APBB2: variants seen among roughly 807,000 people sequenced by gnomAD.
APBB2 encodes the protein Fe65-like 1.
Under a neutral mutation model 82.5 loss-of-function variants are expected in APBB2, and 38 were observed. The observed-to-expected ratio is 0.46, with a 90% confidence interval of 0.36 to 0.60. The LOEUF (loss-of-function observed/expected upper bound fraction) is 0.60. Among genes scored for constraint, APBB2 ranks in the 20% least tolerant of loss-of-function variants. APBB2 has a pLI of 0.00. For missense variants in APBB2, 772 were observed against 972.3 expected, an observed-to-expected ratio of 0.79 and a Z score of 2.74; for synonymous variants, 341 against 368.2, an observed-to-expected ratio of 0.93 and a Z score of 0.85.
At chr4:41,156,083 CAG>C (rs1763373667) in intron 1 of APBB2, among the ~76,000 whole-genome samples, 1 of 150,252 alleles carries the variant, frequency 6.7e-6, no homozygotes, top group South Asian at 2.1e-4. Flanking sequence ...GAATTGTTCT[CAG>C]AGACTTAAAA....
Position 40,826,056 on chromosome 4 carries a change from T to A in APBB2, c.1733-86A>T. On this transcript the variant is annotated intron_variant, in intron 14 of 17. Transcript: ENST00000508593. The surrounding 1 kb of genome is among the most constrained non-coding windows in gnomAD (Gnocchi z 4.5). ...CCGTGGCTCTGCATCATCTGAATGC[T>A]CAGGACACGCCCTGTGCCATAACGC... 6.1e-6 allele frequency: 6 copies of A among 981,720 alleles called. No homozygotes were observed. Among genetic ancestry groups the A allele is most frequent in the Non-Finnish European group, 8.3e-6 (5 of 604,158 alleles). The allele number at this position is 981,720 out of a possible 1,614,324, so 60.8% of individuals were successfully genotyped here. A position where few individuals can be genotyped will look rare whatever the true frequency, so the allele number is the denominator to read the frequency against.
chr4:41,200,383 T>A (rs116513614), intron 1 of APBB2, among the ~76,000 whole-genome samples: 29,504 of 151,956 alleles, frequency 0.19, 3,798 homozygotes, highest in African/African-American at 0.36. Context: ...CTATTTTTTT[T>A]TTAAATAAAA....
At chr4:40,915,574 A>G (rs1779634411) in intron 10 of APBB2, among the ~76,000 whole-genome samples, 1 of 152,216 alleles carries the variant, frequency 6.6e-6, no homozygotes, top group South Asian at 2.1e-4. Flanking sequence ...TTTTCTAAGA[A>G]AGGTTTTACT....
chr4:40,854,837 A>AG (rs1356442488), intron 12 of APBB2, among the ~76,000 whole-genome samples: 8 of 151,228 alleles, frequency 5.3e-5, no homozygotes, highest in African/African-American at 7.3e-5. Flanking sequence ...TTCATTTCCT[A>AG]GGGGGGCTGT....
chr4:41,167,661 C>A (rs1226738607), intron 1 of APBB2, among the ~76,000 whole-genome samples: 1 of 152,132 alleles, frequency 6.6e-6, no homozygotes, highest in Non-Finnish European at 1.5e-5. Flanking sequence ...AGAGAGCCAC[C>A]AGCCCCCATC....
At chr4:41,000,172 G>C (rs1287720520) in intron 6 of APBB2, among the ~76,000 whole-genome samples, 1 of 151,346 alleles carries the variant, frequency 6.6e-6, no homozygotes, top group Non-Finnish European at 1.5e-5. Flanking sequence ...GAGGTAGGGG[G>C]ATCACCTGAG....
At chr4:41,008,341 A>T (rs577897474) in intron 6 of APBB2, among the ~76,000 whole-genome samples, 2 of 152,346 alleles carry the variant, frequency 1.3e-5, no homozygotes, top group African/African-American at 4.8e-5. Flanking sequence ...AAGTTATAAA[A>T]TATGTAGCCA....
At chr4:41,047,636 C>A (rs1236958277) in intron 4 of APBB2, among the ~76,000 whole-genome samples, 1 of 152,238 alleles carries the variant, frequency 6.6e-6, no homozygotes, top group African/African-American at 2.4e-5. Context: ...ACTTGCATAA[C>A]ATTGGGACGT....
chr4:41,074,160 T>G (rs1734814119), intron 3 of APBB2, among the ~76,000 whole-genome samples: 1 of 152,146 alleles, frequency 6.6e-6, no homozygotes, highest in South Asian at 2.1e-4. Flanking sequence ...GTTGAAAACA[T>G]TAGCAGAAAG....
chr4:40,843,284 G>C (rs948097799), intron 12 of APBB2, among the ~76,000 whole-genome samples: 3 of 152,200 alleles, frequency 2.0e-5, no homozygotes, highest in Non-Finnish European at 4.4e-5. Context: ...CGGCCAGCAG[G>C]GCCCTGCAGG....
intron 3 of APBB2, among the ~76,000 whole-genome samples, chr4:41,073,621 C>T (rs1403472286): frequency 6.6e-6 from 1 of 152,158 alleles, no homozygotes; most frequent in Non-Finnish European, 1.5e-5. Flanking sequence ...ATACAGTATA[C>T]CTAAATCCTG....
chr4:41,110,064 T>G (rs546195791), intron 2 of APBB2, among the ~76,000 whole-genome samples: 1 of 152,206 alleles, frequency 6.6e-6, no homozygotes, highest in African/African-American at 2.4e-5. Context: ...GATAACTGAT[T>G]TATCCATCAA....
chr4:40,928,914 G>T (rs1319029898), intron 10 of APBB2, among the ~76,000 whole-genome samples: 1 of 149,880 alleles, frequency 6.7e-6, no homozygotes, highest in East Asian at 1.9e-4. Context: ...ATGAATGAAC[G>T]AACGAATGAA....
intron 10 of APBB2, among the ~76,000 whole-genome samples, chr4:40,931,366 C>A (rs998920793): frequency 6.6e-6 from 1 of 152,142 alleles, no homozygotes; most frequent in Admixed American, 6.5e-5. Flanking sequence ...GCGGCCTTTA[C>A]CTCCCAGGCT....
intron 10 of APBB2, among the ~76,000 whole-genome samples, chr4:40,908,874 A>G (rs1777800415): frequency 1.3e-5 from 2 of 152,136 alleles, no homozygotes; most frequent in Non-Finnish European, 2.9e-5. Flanking sequence ...GGGCACCATC[A>G]CCCAACACCT....
rs1749808522 is a variant in APBB2 at position 40,826,023 on chromosome 4, C to T, written c.1733-53G>A. The T allele has an allele frequency of 2.2e-6, 3 of 1,386,002 alleles. No homozygotes were observed. Among genetic ancestry groups the T allele is most frequent in the Non-Finnish European group, 3.1e-6 (3 of 971,976 alleles). The allele number at this position is 1,386,002 out of a possible 1,614,324, so 85.9% of individuals were successfully genotyped here. A position where few individuals can be genotyped will look rare whatever the true frequency, so the allele number is the denominator to read the frequency against. Reference sequence around the variant, plus strand: ...TCTCAGTGGTTCCAACACACATGTACACAACAGCCGTGGCTCTGCATCATC... The same window carrying T: ...TCTCAGTGGTTCCAACACACATGTATACAACAGCCGTGGCTCTGCATCATC... On this transcript the variant is annotated intron_variant, in intron 14 of 17. Coordinates refer to ENST00000508593, the MANE Select transcript of APBB2 (RefSeq NM_004307.2). This position sits in a 1 kb window ranked among gnomAD's most constrained non-coding sequence, Gnocchi z 4.5.
intron 1 of APBB2, among the ~76,000 whole-genome samples, chr4:41,208,911 G>A (rs1012719986): frequency 6.6e-5 from 10 of 151,880 alleles, no homozygotes; most frequent in Non-Finnish European, 1.0e-4. Context: ...ATAAATATAC[G>A]TCCATTACAG....
intron 4 of APBB2, among the ~76,000 whole-genome samples, chr4:41,038,048 C>T (rs1719930758): frequency 2.0e-5 from 3 of 152,070 alleles, no homozygotes; most frequent in African/African-American, 7.2e-5. Context: ...GTGAAACAGT[C>T]TAGCAACAAT....
intron 11 of APBB2, among the ~76,000 whole-genome samples, chr4:40,892,138 A>G (rs1450847393): frequency 6.6e-6 from 1 of 151,996 alleles, no homozygotes; most frequent in Non-Finnish European, 1.5e-5. Flanking sequence ...TTTAGTAGAG[A>G]CAGGGTTTCA....
Sources: gnomAD v4.1 joint callset for allele counts (sites outside exome capture counted in the v4.1 genomes callset) on GRCh38, gnomAD v4.1.1 for gene constraint, Gnocchi (gnomAD v3.1) non-coding constraint, MANE v1.5 for transcripts, NCBI Gene and HGNC (gene_info 2026-07-23, HGNC 2026-07-21) for gene names.